The following RBMX variants were observed in gnomAD, a reference collection of about 807,000 sequenced individuals.
RBMX encodes RNA-binding motif protein, X chromosome.
RBMX carries 1 observed loss-of-function variant against 29.3 expected under a neutral mutation model. That is an observed-to-expected ratio of 0.03 (90% CI 0.01 to 0.16). The LOEUF is 0.16. Ranked by LOEUF, RBMX falls within the 10% of genes least tolerant of loss-of-function variation. The probability of loss-of-function intolerance (pLI) is 1.00; values close to 1 mark genes in which losing one functional copy is unlikely to be tolerated. For missense variants in RBMX, 121 were observed against 333.2 expected, an observed-to-expected ratio of 0.36 and a Z score of 4.96; for synonymous variants, 102 against 102.3, an observed-to-expected ratio of 1.00 and a Z score of 0.02.
chrX:136,878,603 G>A (rs1210563533), intron 3 of RBMX, among the ~76,000 whole-genome samples: 2 of 85,973 alleles, frequency 2.3e-5, no homozygotes, highest in Non-Finnish European at 4.5e-5. Context: ...AAGTTAGCCG[G>A]GCGTGGTCGC....
intron 3 of RBMX, among the ~76,000 whole-genome samples, chrX:136,878,627 C>A (rs1672971246): frequency 7.9e-5 from 1 of 12,616 alleles, no homozygotes; most frequent in Non-Finnish European, 1.4e-4. Flanking sequence ...TGCCTGTAAT[C>A]CCAGCTACTG....
chrX:136,878,888 G>A (rs1364533419), intron 3 of RBMX, 129 bp downstream of exon 3: 65 of 804,466 alleles, frequency 8.1e-5, no homozygotes, highest in Admixed American at 3.9e-4. Flanking sequence ...AACAGGATGA[G>A]TGGATCCCAG....
intron 1 of RBMX, among the ~76,000 whole-genome samples, chrX:136,880,285 A>G (rs1400176023): frequency 1.8e-5 from 2 of 112,185 alleles, no homozygotes; most frequent in African/African-American, 3.2e-5. Flanking sequence ...CCACATGCCC[A>G]TCATTAGCGC....
chrX:136,879,493 C>T, intron 1 of RBMX, 40 bp from the exon 2 acceptor site: 1 of 1,065,447 alleles, frequency 9.4e-7, no homozygotes, highest in South Asian at 2.0e-5. Context: ...GCAAAAAGTT[C>T]CTCAAGTTTA....
rs1227820159 is a variant in RBMX, at chrX:136,877,333, C to T, written c.388+582G>A. Among the ~76,000 whole-genome samples, 11 of 80,088 alleles carry T rather than the reference C, an allele frequency of 1.4e-4. 1 individual carries two copies. Among genetic ancestry groups the T allele is most frequent in the African/African-American group, 3.5e-4 (8 of 22,895 alleles). The allele number at this position is 80,088 out of a possible 115,157, so 69.5% of individuals were successfully genotyped here. A position where few individuals can be genotyped will look rare whatever the true frequency, so the allele number is the denominator to read the frequency against. On this transcript the variant is annotated intron_variant, in intron 4 of 8. Transcript: ENST00000320676. Reference sequence around the variant, plus strand: ...GGCAACAAGTGCTAAACTCTACCCCCCCCCCCCCAAAAAAAAACCATTATT... The same window carrying T: ...GGCAACAAGTGCTAAACTCTACCCCTCCCCCCCCAAAAAAAAACCATTATT...
chrX:136,870,213 C>T (rs2077676550), downstream of RBMX: 1 of 112,391 alleles, frequency 8.9e-6, no homozygotes, highest in African/African-American at 3.2e-5. Flanking sequence ...TAATTACTTC[C>T]CCTTTTCCAT....
At chrX:136,879,169 T>C in intron 2 of RBMX, 46 bp from the exon 3 acceptor site, 1 of 1,209,386 alleles carries the variant, frequency 8.3e-7, no homozygotes, top group South Asian at 1.8e-5. Context: ...CTAGGTCAAA[T>C]GAAATAACCA....
At chrX:136,877,164 G>C (rs947062887) in intron 4 of RBMX, among the ~76,000 whole-genome samples, 1 of 108,911 alleles carries the variant, frequency 9.2e-6, no homozygotes, top group Admixed American at 9.7e-5. Context: ...GTAAAATCCT[G>C]TCTCTACTAA....
chrX:136,873,037 T>C (rs374249583), downstream of RBMX: 1 of 106,780 alleles, frequency 9.4e-6, no homozygotes, highest in South Asian at 4.2e-4. Context: ...CCTTTAAGTG[T>C]CACACATGCT....
intron 4 of RBMX, 62 bp from the exon 5 acceptor site, chrX:136,876,717 T>TTC: frequency 2.4e-6 from 1 of 424,208 alleles, no homozygotes; most frequent in Non-Finnish European, 3.2e-6. Context: ...GATATAAAAG[T>TTC]TTTTTTTTTT....
intron 3 of RBMX, among the ~76,000 whole-genome samples, chrX:136,878,471 C>G (rs2077758552): frequency 9.1e-6 from 1 of 110,244 alleles, no homozygotes; most frequent in African/African-American, 3.3e-5. Context: ...CGCAGTGGCT[C>G]GCAGTGTCTC....
chrX:136,872,115 C>A (rs1281454557), downstream of RBMX, among the ~76,000 whole-genome samples: 1 of 112,022 alleles, frequency 8.9e-6, no homozygotes, highest in Non-Finnish European at 1.9e-5. Context: ...GTGTCAGGCA[C>A]TACACATTAA....
chrX:136,877,328 A>AACCCCC (rs1556343940), intron 4 of RBMX, among the ~76,000 whole-genome samples: 1 of 25,320 alleles, frequency 3.9e-5, no homozygotes, highest in African/African-American at 1.3e-4. Flanking sequence ...GCTAAACTCT[A>AACCCCC]CCCCCCCCCC....
At chrX:136,877,411 T>C (rs186895242) in intron 4 of RBMX, among the ~76,000 whole-genome samples, 178 of 97,676 alleles carry the variant, frequency 1.8e-3, no homozygotes, top group Middle Eastern at 0.013. Context: ...ACTGCAGTCA[T>C]AGAAACTGGG....
In RBMX at chrX:136,876,671, A is replaced by G. The variant is rs1177396037; in HGVS notation, c.389-16T>C. On this transcript the variant is annotated splice_polypyrimidine_tract_variant and intron_variant, in intron 4 of 8. Transcript: ENST00000320676. ...CCACCGTCATCTGCATCAAAAATAG[A>G]AAAGAAAAATATTACTACTCACAAG... 1 of 1,157,424 alleles carries G rather than the reference A, an allele frequency of 8.6e-7. No homozygotes were observed. The highest frequency in any genetic ancestry group is 2.0e-5 in the South Asian group (1 of 50,449).
At chrX:136,872,224 ACAC>A, downstream of RBMX, 1 of 997,059 alleles carries the variant, frequency 1.0e-6, no homozygotes. Flanking sequence ...AATGGTAGTT[ACAC>A]AACATTTAAA....
intron 5 of RBMX, among the ~76,000 whole-genome samples, chrX:136,876,125 GTTT>G (rs778800086): frequency 1.3e-5 from 1 of 77,729 alleles, no homozygotes; most frequent in Non-Finnish European, 2.5e-5. Flanking sequence ...TTTTTTTTTT[GTTT>G]TTTTTTTTTT....
At chrX:136,877,513 C>T (rs192096760) in intron 4 of RBMX, among the ~76,000 whole-genome samples, 5 of 103,140 alleles carry the variant, frequency 4.8e-5, no homozygotes, top group African/African-American at 1.4e-4. Flanking sequence ...TACAGTGGCA[C>T]GATCTCAACT....
At chrX:136,869,193 G>A (rs1304775434), downstream of RBMX, 2 of 112,324 alleles carry the variant, frequency 1.8e-5, no homozygotes, top group African/African-American at 6.5e-5. Flanking sequence ...AAAAAAAGAT[G>A]CCATGTTAAA....
Sources: allele counts gnomAD v4.1 joint callset (sites outside exome capture counted in the v4.1 genomes callset), GRCh38; gene constraint gnomAD v4.1.1; transcripts MANE v1.5; gene names NCBI Gene and HGNC (gene_info 2026-07-23, HGNC 2026-07-21).